The following LRRC37A2 variants were observed in gnomAD, a reference collection of about 807,000 sequenced individuals.
The protein encoded by LRRC37A2 is leucine-rich repeat-containing protein 37A2.
LRRC37A2 carries 9 observed loss-of-function variants against 68.8 expected under a neutral mutation model. The ratio of observed to expected loss-of-function variants is 0.13; its 90% confidence interval spans 0.08 to 0.23. The LOEUF (loss-of-function observed/expected upper bound fraction) is 0.23, where lower values mean the gene tolerates loss of function less well. Ranked by LOEUF, LRRC37A2 falls within the 10% of genes least tolerant of loss-of-function variation. The pLI is 1.00. For missense variants in LRRC37A2, 168 were observed against 950.4 expected, an observed-to-expected ratio of 0.18 and a Z score of 10.82; for synonymous variants, 63 against 367.6, an observed-to-expected ratio of 0.17 and a Z score of 9.48.
At chr17:46,945,068 G>A in the LRRC37A2 span, among the ~76,000 whole-genome samples, 4 of 152,190 alleles carry the variant, frequency 2.6e-5, no homozygotes, top group African/African-American at 9.7e-5. Context: ...CCATTGTGGT[G>A]GGGGCATTAA....
chr17:46,728,827 C>T, the LRRC37A2 span: 1 of 1,501,270 alleles, frequency 6.7e-7, no homozygotes, highest in Admixed American at 1.8e-5. Context: ...GTATCAAATC[C>T]CTAAACATAA....
the LRRC37A2 span, among the ~76,000 whole-genome samples, chr17:46,718,969 A>T: frequency 1.3e-5 from 2 of 152,218 alleles, no homozygotes; most frequent in African/African-American, 2.4e-5. Context: ...CAAAACTCTT[A>T]GGTAAAAAAT....
At chr17:46,875,215 G>T in the LRRC37A2 span, 1 of 1,614,068 alleles carries the variant, frequency 6.2e-7, no homozygotes, top group African/African-American at 1.3e-5. Flanking sequence ...GACTCTCCGG[G>T]GCTGGAGAGC....
At chr17:46,875,493 G>T in the LRRC37A2 span, 88 of 1,307,694 alleles carry the variant, frequency 6.7e-5, no homozygotes, top group Non-Finnish European at 8.8e-5. Flanking sequence ...ATAAAGGCAG[G>T]ATGAACTTCA....
the LRRC37A2 span, chr17:46,910,218 C>T: frequency 1.3e-5 from 2 of 152,250 alleles, no homozygotes; most frequent in Non-Finnish European, 2.9e-5. Flanking sequence ...ATCTCCCACT[C>T]TCCCCTTGAA....
the LRRC37A2 span, chr17:46,711,104 A>T: frequency 6.6e-7 from 1 of 1,515,530 alleles, no homozygotes; most frequent in Non-Finnish European, 8.8e-7. Context: ...ACCATTGGTC[A>T]GCGTGCTTCT....
At chr17:46,920,718 A>G in the LRRC37A2 span, among the ~76,000 whole-genome samples, 2 of 152,096 alleles carry the variant, frequency 1.3e-5, no homozygotes, top group Admixed American at 6.6e-5. Context: ...ATCTCTTTGG[A>G]TTTTCTACCT....
At chr17:46,757,554 C>A in the LRRC37A2 span, 3 of 152,358 alleles carry the variant, frequency 2.0e-5, no homozygotes, top group African/African-American at 7.3e-5. Flanking sequence ...GAAACCTCTC[C>A]GTGTTTTGTT....
At chr17:46,799,302 C>G in the LRRC37A2 span, among the ~76,000 whole-genome samples, 1,293 of 152,206 alleles carry the variant, frequency 8.5e-3, 16 homozygotes, top group African/African-American at 0.03. Context: ...CTGAAGCCAG[C>G]CTTTTCTGTT....
the LRRC37A2 span, among the ~76,000 whole-genome samples, chr17:46,790,234 C>T: frequency 6.6e-6 from 1 of 152,188 alleles, no homozygotes; most frequent in Non-Finnish European, 1.5e-5. Flanking sequence ...GGTTTGCAAA[C>T]ATGCACTCAG....
the LRRC37A2 span, among the ~76,000 whole-genome samples, chr17:46,999,361 T>A: frequency 1.3e-5 from 2 of 152,280 alleles, no homozygotes; most frequent in East Asian, 1.9e-4. Flanking sequence ...TGTCCACAGT[T>A]GCTTTTTTTC....
chr17:46,420,679 G>GAT, the LRRC37A2 span, among the ~76,000 whole-genome samples: 2 of 894 alleles, frequency 2.2e-3, no homozygotes, highest in East Asian at 5.3e-3. Flanking sequence ...ATAGGAAAAG[G>GAT]ATATAGTACA....
the LRRC37A2 span, among the ~76,000 whole-genome samples, chr17:46,717,927 A>C: frequency 6.6e-6 from 1 of 152,174 alleles, no homozygotes; most frequent in Non-Finnish European, 1.5e-5. Flanking sequence ...TCAGCAAGAC[A>C]ACAAAGACCC....
the LRRC37A2 span, among the ~76,000 whole-genome samples, chr17:46,851,881 C>A: frequency 6.6e-6 from 1 of 152,200 alleles, no homozygotes; most frequent in Non-Finnish European, 1.5e-5. This position sits in a 1 kb window ranked among gnomAD's most constrained non-coding sequence, Gnocchi z 4.3. Flanking sequence ...GGAGTTCGCG[C>A]CCTGAGTTCG....
At chr17:47,030,210 G>T in the LRRC37A2 span, among the ~76,000 whole-genome samples, 1 of 150,438 alleles carries the variant, frequency 6.6e-6, no homozygotes, top group African/African-American at 2.5e-5. Flanking sequence ...AAAAATTAAT[G>T]AATTCACTCA....
At chr17:47,029,765 G>A in the LRRC37A2 span, among the ~76,000 whole-genome samples, 1 of 152,030 alleles carries the variant, frequency 6.6e-6, no homozygotes, top group Non-Finnish European at 1.5e-5. Flanking sequence ...ATACAACTGG[G>A]AGTCCCTCAT....
the LRRC37A2 span, among the ~76,000 whole-genome samples, chr17:46,729,260 A>G: frequency 3.3e-5 from 5 of 152,238 alleles, no homozygotes; most frequent in African/African-American, 1.2e-4. Context: ...TATGATATTA[A>G]TAGAGAAGGC....
At chr17:46,830,955 G>T in the LRRC37A2 span, 36 of 394,480 alleles carry the variant, frequency 9.1e-5, no homozygotes, top group Non-Finnish European at 8.9e-6. Flanking sequence ...CAGAGCCTTT[G>T]CAGGGCCATA....
chr17:47,014,087 C>G, the LRRC37A2 span, among the ~76,000 whole-genome samples: 49 of 150,194 alleles, frequency 3.3e-4, no homozygotes, highest in Admixed American at 2.0e-4. Flanking sequence ...GAGTGAGACT[C>G]CATCTCAAAA....
Sources: gnomAD v4.1 joint callset for allele counts (sites outside exome capture counted in the v4.1 genomes callset) on GRCh38, gnomAD v4.1.1 for gene constraint, Gnocchi (gnomAD v3.1) non-coding constraint, MANE v1.5 for transcripts, NCBI Gene and HGNC (gene_info 2026-07-23, HGNC 2026-07-21) for gene names.